The following NAV1 variants were observed in gnomAD, a reference collection of about 807,000 sequenced individuals.
The protein encoded by NAV1 is pore membrane and/or filament interacting like protein 3.
A neutral mutation model predicts 175.2 loss-of-function variants in NAV1; 18 were observed. That is an observed-to-expected ratio of 0.10 (90% CI 0.07 to 0.15). NAV1 has a LOEUF of 0.15. NAV1 is among the 10% of genes least tolerant of loss of function. The probability of loss-of-function intolerance (pLI) is 1.00; values close to 1 mark genes in which losing one functional copy is unlikely to be tolerated. For synonymous variants in NAV1, 897 were observed against 978.7 expected (o/e 0.92, Z 1.56); for missense variants, 1,731 against 2,436.6 (o/e 0.71, Z 6.10).
At chr1:201,569,074 G>A (rs1335903904) in intron 1 of NAV1, among the ~76,000 whole-genome samples, 1 of 152,072 alleles carries the variant, frequency 6.6e-6, no homozygotes, top group Non-Finnish European at 1.5e-5. Flanking sequence ...TCCTGCTCTG[G>A]GCAAACCCAG....
In NAV1 at chr1:201,588,315, C is replaced by T. The variant is rs563214980; in HGVS notation, c.-143-224C>T. Among the ~76,000 whole-genome samples the T allele has an allele frequency of 7.9e-5, 12 of 152,186 alleles. No individual in the cohort carries two copies. In the South Asian group the frequency reaches 2.5e-3, roughly 32 times the overall value. ...AGTGAAAAAAGCCATACACAAAAGC[C>T]CACGTATTGTATGATTTTATTCATA... On this transcript the variant is annotated intron_variant, in intron 1 of 33. Transcript: ENST00000685211.
At chr1:201,655,420 G>A (rs577370142) in intron 1 of NAV1, among the ~76,000 whole-genome samples, 3 of 152,232 alleles carry the variant, frequency 2.0e-5, no homozygotes, top group Non-Finnish European at 4.4e-5. Flanking sequence ...CAGAGCCTGC[G>A]GCCTTTTCTC....
chr1:201,679,845 T>C (rs1190770185), intron 1 of NAV1, among the ~76,000 whole-genome samples: 1 of 152,232 alleles, frequency 6.6e-6, no homozygotes, highest in African/African-American at 2.4e-5. Context: ...GTCATTCCTA[T>C]ATAAATCATA....
At chr1:201,591,694 C>A (rs1440552508) in intron 2 of NAV1, among the ~76,000 whole-genome samples, 1 of 152,176 alleles carries the variant, frequency 6.6e-6, no homozygotes, top group Non-Finnish European at 1.5e-5. Flanking sequence ...CTCCTTCTGG[C>A]CTGTGAATTG....
At chr1:201,716,625 C>G (rs1444661706) in intron 2 of NAV1, among the ~76,000 whole-genome samples, 1 of 152,158 alleles carries the variant, frequency 6.6e-6, no homozygotes, top group African/African-American at 2.4e-5. Flanking sequence ...ACGCCAGTAA[C>G]CCCAGCACTG....
chr1:201,823,520 T>C lies in NAV1; in HGVS notation c.*3588T>C, dbSNP rs1457563756. 3.9e-5 allele frequency: 6 copies of C among 152,248 alleles called. No individual in the cohort carries two copies. The East Asian group carries it at 1.2e-3, about 29-fold the overall frequency. 9.4% of individuals were successfully genotyped at this position (152,248 alleles called of 1,614,324 possible). ...GTGCTTATCTCTGTCTTTGTGTCAA[T>C]CCTTAAGTACCCATGTCTTTTTCAT... On this transcript the variant is annotated 3_prime_UTR_variant, in exon 30 of 30. Transcript: ENST00000367296.
At chr1:201,726,966 GC>G (rs1191156762) in intron 3 of NAV1, among the ~76,000 whole-genome samples, 1 of 152,214 alleles carries the variant, frequency 6.6e-6, no homozygotes, top group Admixed American at 6.5e-5. Context: ...CAGCTAGGCT[GC>G]CTGTGTTTGT....
chr1:201,668,679 C>G lies in NAV1; in HGVS notation c.757+19254C>G, dbSNP rs530187726. 7.2e-5 allele frequency among the ~76,000 whole-genome samples: 11 copies of G among 152,284 alleles called. No homozygotes were observed. The East Asian group carries it at 2.1e-3, about 29-fold the overall frequency. On this transcript the variant is annotated intron_variant, in intron 1 of 29. Coordinates refer to ENST00000367296, the Ensembl canonical transcript of NAV1. ...AGGTTGGAGCATGGAAGGGTGAAGG[C>G]TGCCGAGAGCCACCTCTGTAGTGTA...
chr1:201,729,548 C>T (rs1314500713), intron 3 of NAV1, among the ~76,000 whole-genome samples: 4 of 149,776 alleles, frequency 2.7e-5, no homozygotes, highest in East Asian at 2.0e-4. Flanking sequence ...GGCTGAGGCA[C>T]GAGAATTGCT....
At chr1:201,650,857 G>A (rs1449054107) in intron 1 of NAV1, among the ~76,000 whole-genome samples, 1 of 152,200 alleles carries the variant, frequency 6.6e-6, no homozygotes, top group Non-Finnish European at 1.5e-5. Flanking sequence ...CCTCCTGAAG[G>A]TGGGGATGGC....
chr1:201,623,792 T>C (rs932849186), intron 1 of NAV1, among the ~76,000 whole-genome samples, 186 bp downstream of exon 3: 1 of 152,156 alleles, frequency 6.6e-6, no homozygotes, highest in Admixed American at 6.5e-5. Context: ...TGAGATGGGA[T>C]TGGGACCATA....
At chr1:201,648,483 G>T in exon 1 of NAV1, 2 of 1,220,064 alleles carry the variant, frequency 1.6e-6, no homozygotes, top group Non-Finnish European at 2.0e-6. Context: ...TTTCCCCTGC[G>T]CCCTCGGCTT....
intron 2 of NAV1, among the ~76,000 whole-genome samples, chr1:201,603,670 G>T (rs1667586885): frequency 6.6e-6 from 1 of 152,122 alleles, no homozygotes; most frequent in Non-Finnish European, 1.5e-5. Flanking sequence ...CAGACAGTAG[G>T]CCAGGCAGGG....
intron 1 of NAV1, among the ~76,000 whole-genome samples, chr1:201,684,544 G>T (rs1423657617): frequency 6.9e-6 from 1 of 143,920 alleles, no homozygotes. Flanking sequence ...GCTTGATCTC[G>T]GCTCACTGCA....
intron 1 of NAV1, among the ~76,000 whole-genome samples, chr1:201,704,520 G>A (rs946850537): frequency 2.6e-5 from 4 of 152,372 alleles, no homozygotes; most frequent in South Asian, 2.1e-4. Context: ...GGCTTTTCCT[G>A]AGAACAGACT....
intron 3 of NAV1, among the ~76,000 whole-genome samples, chr1:201,749,348 A>C (rs2102590179): frequency 6.6e-6 from 1 of 152,342 alleles, no homozygotes; most frequent in East Asian, 1.9e-4. Context: ...AAAAGTCAGA[A>C]GGGGAGCTGT....
chr1:201,657,713 A>C (rs1010045669), intron 1 of NAV1, among the ~76,000 whole-genome samples: 2 of 152,098 alleles, frequency 1.3e-5, no homozygotes, highest in Non-Finnish European at 2.9e-5. Flanking sequence ...TGGCACTTAC[A>C]AGTGAGGAAA....
At chr1:201,749,495 GC>G (rs1423932607) in intron 3 of NAV1, among the ~76,000 whole-genome samples, 4 of 152,212 alleles carry the variant, frequency 2.6e-5, no homozygotes, top group Non-Finnish European at 4.4e-5. Flanking sequence ...AGCACAGGTT[GC>G]CAACAGGCTG....
chr1:201,782,500 G>A lies in NAV1; in HGVS notation c.1988G>A (p.Gly663Glu), dbSNP rs2102711918. The change falls in exon 6 of 30, where the codon GGA becomes GAA. Residue 663 changes from glycine to glutamate, a missense_variant. Physicochemically the swap from Gly to Glu is moderately conservative, Grantham distance 98. This residue lies in a region of NAV1 where 634 missense variants were observed against 766.8 expected (regional missense o/e 0.83). Transcript: ENST00000367296. This position sits in a 1 kb window ranked among gnomAD's most constrained non-coding sequence, Gnocchi z 5.4. The stretch of plus-strand genomic sequence containing the variant: ...GCAGAGCCAGGATTCCTGGCTCCTG[G>A]AGCCCGTTCTAACATCCAGTACCGC... 2 of 1,612,846 alleles carry A rather than the reference G, an allele frequency of 1.2e-6. No homozygotes were observed. Among genetic ancestry groups the A allele is most frequent in the East Asian group, 4.5e-5 (2 of 44,812 alleles).
Sources: allele counts gnomAD v4.1 joint callset (sites outside exome capture counted in the v4.1 genomes callset), GRCh38; gene constraint gnomAD v4.1.1; regional missense constraint gnomAD v4.1.1; non-coding constraint Gnocchi (gnomAD v3.1); transcripts MANE v1.5; gene names NCBI Gene and HGNC (gene_info 2026-07-23, HGNC 2026-07-21).